CLNK: variants seen among roughly 807,000 people sequenced by gnomAD.
The protein encoded by CLNK is cytokine dependent hematopoietic cell linker.
Under a neutral mutation model 68.6 loss-of-function variants are expected in CLNK, and 74 were observed. The observed-to-expected ratio is 1.08, with a 90% CI of 0.89 to 1.31. The LOEUF is 1.31. Among genes scored for constraint, CLNK ranks in the 50% most tolerant of loss-of-function variants. The pLI is 0.00. For missense variants in CLNK, 553 were observed against 515.3 expected, an observed-to-expected ratio of 1.07 and a Z score of -0.71; for synonymous variants, 198 against 172.2, an observed-to-expected ratio of 1.15 and a Z score of -1.17.
At chr4:10,661,091 A>G (rs1017900933) in intron 2 of CLNK, among the ~76,000 whole-genome samples, 1 of 152,172 alleles carries the variant, frequency 6.6e-6, no homozygotes, top group African/African-American at 2.4e-5. Context: ...CTCTAGATTC[A>G]GTGGGATTTA....
At chr4:10,525,457 AAC>A (rs887869591) in intron 14 of CLNK, among the ~76,000 whole-genome samples, 2 of 152,210 alleles carry the variant, frequency 1.3e-5, no homozygotes, top group African/African-American at 4.8e-5. Flanking sequence ...CATTTTCAAC[AAC>A]ACTTGGTCTT....
chr4:10,614,736 G>T (rs1024365422), intron 2 of CLNK, among the ~76,000 whole-genome samples: 1 of 152,232 alleles, frequency 6.6e-6, no homozygotes. Context: ...CTGCAATACA[G>T]TTGATGACAG....
chr4:10,656,037 A>T (rs1267460402), intron 2 of CLNK, among the ~76,000 whole-genome samples: 1 of 152,082 alleles, frequency 6.6e-6, no homozygotes, highest in Non-Finnish European at 1.5e-5. Context: ...AAACTCCTCC[A>T]CACTATACAC....
chr4:10,690,531 A>T, the CLNK span, among the ~76,000 whole-genome samples: 4 of 152,224 alleles, frequency 2.6e-5, no homozygotes, highest in Admixed American at 1.3e-4. Flanking sequence ...ATAGAAGTTT[A>T]TCAATTAATA....
chr4:10,503,838 A>G (rs143856097), intron 17 of CLNK, among the ~76,000 whole-genome samples: 11,612 of 120,868 alleles, frequency 0.096, 687 homozygotes, highest in Admixed American at 0.24. Flanking sequence ...GCTGGAATGC[A>G]GTGGCACAAT....
the CLNK span, among the ~76,000 whole-genome samples, chr4:10,699,414 C>T: frequency 7.4e-6 from 1 of 135,928 alleles, no homozygotes; most frequent in African/African-American, 2.7e-5. Context: ...ATGTTCAAGT[C>T]CCTTACATAA....
intron 17 of CLNK, among the ~76,000 whole-genome samples, chr4:10,505,551 A>G (rs1261774568): frequency 6.6e-6 from 1 of 152,214 alleles, no homozygotes; most frequent in East Asian, 1.9e-4. Context: ...AAAGTCTAAC[A>G]TGAATCTTGC....
the CLNK span, among the ~76,000 whole-genome samples, chr4:10,714,739 A>G: frequency 1.3e-5 from 2 of 150,866 alleles, no homozygotes; most frequent in Non-Finnish European, 3.0e-5. Context: ...TCTCATATTT[A>G]TTCCATGACT....
At chr4:10,611,669 GA>G (rs1186268776) in intron 2 of CLNK, among the ~76,000 whole-genome samples, 1 of 152,048 alleles carries the variant, frequency 6.6e-6, no homozygotes, top group Non-Finnish European at 1.5e-5. Flanking sequence ...AAAAAGAAGG[GA>G]AAACAAGGTA....
chr4:10,666,023 A>C lies in CLNK; in HGVS notation c.11+1836T>G, dbSNP rs537950208. On this transcript the variant is annotated intron_variant, in intron 2 of 18. Transcript: ENST00000226951. ...CAACCAGAGGGAGATTTGAGGTGAG[A>C]TGAAGAAAAGAAAATATGGCCAGAG... Among the ~76,000 whole-genome samples the C allele has an allele frequency of 2.6e-5, 4 of 152,304 alleles. No homozygotes were observed. The East Asian group carries it at 5.8e-4, about 22-fold the overall frequency.
intron 18 of CLNK, 96 bp from the exon 19 acceptor site, chr4:10,490,709 G>A (rs1716533239): frequency 1.0e-6 from 1 of 954,506 alleles, no homozygotes; most frequent in Non-Finnish European, 1.5e-6. Flanking sequence ...ATGGGGAAGA[G>A]GTGAACCAAT....
Position 10,489,054 on chromosome 4 carries a change from T to C in CLNK, c.*1413A>G, listed in dbSNP as rs1716457102. The C allele has an allele frequency of 6.7e-6, 1 of 150,048 alleles. No homozygotes were observed. The highest frequency in any genetic ancestry group is 1.5e-5 in the Non-Finnish European group (1 of 67,248). The allele number at this position is 150,048 out of a possible 1,614,324, so 9.3% of individuals were successfully genotyped here. On this transcript the variant is annotated 3_prime_UTR_variant, in exon 19 of 19. Transcript: ENST00000226951. ...TGTATTTTCAAATTGTTTCTATCTT[T>C]CTCTCTCTCTCTCTCTTTTTTTTTA...
chr4:10,666,664 C>A (rs995158733), intron 2 of CLNK, among the ~76,000 whole-genome samples: 2 of 152,212 alleles, frequency 1.3e-5, no homozygotes, highest in African/African-American at 4.8e-5. Flanking sequence ...CTGTAAGGAT[C>A]GGGGAGGAAA....
intron 15 of CLNK, among the ~76,000 whole-genome samples, chr4:10,517,856 A>AT (rs1717900213): frequency 6.6e-6 from 1 of 152,238 alleles, no homozygotes; most frequent in Non-Finnish European, 1.5e-5. Flanking sequence ...GAGCAAAGAA[A>AT]CAAGAAGAAC....
At chr4:10,522,330 T>C (rs545240905) in intron 14 of CLNK, among the ~76,000 whole-genome samples, 18 of 150,672 alleles carry the variant, frequency 1.2e-4, no homozygotes, top group African/African-American at 4.4e-4. Flanking sequence ...TCCCAACACT[T>C]TGGGAGGCCG....
intron 13 of CLNK, among the ~76,000 whole-genome samples, chr4:10,527,744 G>C (rs1340482095): frequency 1.3e-5 from 2 of 152,202 alleles, no homozygotes; most frequent in Admixed American, 6.5e-5. Context: ...ATCAGAGGCA[G>C]AGATCCCAAG....
chr4:10,561,020 C>A (rs959808935), intron 7 of CLNK, among the ~76,000 whole-genome samples: 1 of 152,014 alleles, frequency 6.6e-6, no homozygotes. Flanking sequence ...CCTCAGCCCC[C>A]AGAGTAGCTG....
At chr4:10,534,958 T>G (rs2108804359) in intron 11 of CLNK, among the ~76,000 whole-genome samples, 1 of 152,330 alleles carries the variant, frequency 6.6e-6, no homozygotes, top group Non-Finnish European at 1.5e-5. Context: ...TCTCGATATC[T>G]ATAAAGACTT....
At chr4:10,553,745 C>T (rs1333094029) in intron 8 of CLNK, among the ~76,000 whole-genome samples, 1 of 152,212 alleles carries the variant, frequency 6.6e-6, no homozygotes, top group East Asian at 1.9e-4. Flanking sequence ...TGAGCCACCG[C>T]GCTTGGCCTT....
Sources: gnomAD v4.1 joint callset for allele counts (sites outside exome capture counted in the v4.1 genomes callset) on GRCh38, gnomAD v4.1.1 for gene constraint, MANE v1.5 for transcripts, NCBI Gene and HGNC (gene_info 2026-07-23, HGNC 2026-07-21) for gene names.